Variants in POU2F1 observed in about 807,000 individuals in gnomAD.
POU2F1 encodes the protein POU class 2 homeobox 1.
Under a neutral mutation model 84.9 loss-of-function variants are expected in POU2F1, and 16 were observed. The observed-to-expected ratio is 0.19, with a 90% CI of 0.13 to 0.29. The LOEUF (loss-of-function observed/expected upper bound fraction) is 0.29. Ranked by LOEUF, POU2F1 falls within the 10% of genes least tolerant of loss-of-function variation. The probability of loss-of-function intolerance (pLI) is 1.00; values close to 1 mark genes in which losing one functional copy is unlikely to be tolerated. For synonymous variants in POU2F1, 368 were observed against 368.3 expected, an observed-to-expected ratio of 1.00 and a Z score of 0.01; for missense variants, 738 against 942.6, an observed-to-expected ratio of 0.78 and a Z score of 2.84.
At chr1:167,221,592 C>T (rs1320343856) in intron 1 of POU2F1, among the ~76,000 whole-genome samples, 2 of 150,282 alleles carry the variant, frequency 1.3e-5, no homozygotes, top group Non-Finnish European at 3.0e-5. Context: ...GGGCGGCCCT[C>T]AGGGCAACCG....
intron 1 of POU2F1, among the ~76,000 whole-genome samples, chr1:167,237,136 A>G (rs1480235416): frequency 6.6e-6 from 1 of 152,208 alleles, no homozygotes; most frequent in African/African-American, 2.4e-5. Context: ...TGGTGATGAT[A>G]CTTGTGAACT....
At chr1:167,246,130 A>G (rs1047810754) in intron 1 of POU2F1, among the ~76,000 whole-genome samples, 3 of 152,226 alleles carry the variant, frequency 2.0e-5, no homozygotes, top group African/African-American at 7.2e-5. Context: ...TTAAACAACA[A>G]ATGAGCCCTT....
chr1:167,389,463 C>T lies in POU2F1; in HGVS notation c.814-125C>T, dbSNP rs368358563. The T allele has an allele frequency of 4.3e-5, 40 of 932,530 alleles. No individual in the cohort carries two copies. The African/African-American group carries it at 5.8e-4, about 13-fold the overall frequency. 57.8% of individuals were successfully genotyped at this position (932,530 alleles called of 1,614,324 possible). On this transcript the variant is annotated intron_variant, in intron 8 of 15. Transcript: ENST00000367866. ...CTCACTGAACATTATGTTGTACATTCTGTAGTGTTACATGGTCTTCATCGT... is the reference window on the plus strand; with the variant it reads ...CTCACTGAACATTATGTTGTACATTTTGTAGTGTTACATGGTCTTCATCGT...
At chr1:167,382,858 T>G (rs1647666280) in intron 7 of POU2F1, among the ~76,000 whole-genome samples, 1 of 152,192 alleles carries the variant, frequency 6.6e-6, no homozygotes, top group Non-Finnish European at 1.5e-5. Flanking sequence ...AGCTTAAATT[T>G]AGGCAGTGCT....
intron 1 of POU2F1, chr1:167,329,152 C>G (rs918903824): frequency 1.4e-6 from 2 of 1,410,096 alleles, no homozygotes; most frequent in Admixed American, 2.6e-5. Flanking sequence ...CTACGCAACC[C>G]CCCTCTTTTC....
At chr1:167,312,243 T>C (rs928324245) in intron 1 of POU2F1, among the ~76,000 whole-genome samples, 15 of 150,926 alleles carry the variant, frequency 9.9e-5, no homozygotes, top group African/African-American at 3.4e-4. Flanking sequence ...GCCAATTTTT[T>C]TTTTTTTGTG....
rs185149812 is a variant in POU2F1 at position 167,408,238 on chromosome 1, G to A, written c.1556-3721G>A. 1.4e-3 allele frequency among the ~76,000 whole-genome samples: 214 copies of A among 152,320 alleles called. 1 individual carries two copies. Among genetic ancestry groups the A allele is most frequent in the Non-Finnish European group, 2.0e-3 (135 of 68,020 alleles). On this transcript the variant is annotated intron_variant, in intron 13 of 15. Coordinates refer to ENST00000367866, the MANE Select transcript of POU2F1 (RefSeq NM_002697.4). ...ATCAAAAAGACCCAAGATGATAAATGTTGGGAAGGATGTGGAGAAACTGGA... is the reference window on the plus strand; with the variant it reads ...ATCAAAAAGACCCAAGATGATAAATATTGGGAAGGATGTGGAGAAACTGGA...
intron 1 of POU2F1, among the ~76,000 whole-genome samples, chr1:167,322,542 G>A (rs1029193468): frequency 3.9e-5 from 6 of 152,334 alleles, no homozygotes; most frequent in South Asian, 4.1e-4. Flanking sequence ...CGGCTGTGGC[G>A]GGGGACAGGC....
Position 167,417,373 on chromosome 1 carries a change from G to T in POU2F1, c.*1563G>T, listed in dbSNP as rs1378640721. The T allele has an allele frequency of 6.6e-6, 1 of 152,182 alleles. No homozygotes were observed. The highest frequency in any genetic ancestry group is 1.5e-5 in the Non-Finnish European group (1 of 68,042). The allele number at this position is 152,182 out of a possible 1,614,324, so 9.4% of individuals were successfully genotyped here. ...GGCAATACACATCTCTTTATTCAAT[G>T]TAGAAAGTAATTAGCTCTGTAATTA... On this transcript the variant is annotated 3_prime_UTR_variant, in exon 16 of 16. Transcript: ENST00000367866.
At chr1:167,281,043 A>G (rs557516862) in intron 1 of POU2F1, among the ~76,000 whole-genome samples, 1 of 152,192 alleles carries the variant, frequency 6.6e-6, no homozygotes, top group Non-Finnish European at 1.5e-5. Flanking sequence ...AATGCTAAGT[A>G]TCTTACAAGA....
chr1:167,269,480 C>T (rs1322608578), intron 1 of POU2F1, among the ~76,000 whole-genome samples: 1 of 152,040 alleles, frequency 6.6e-6, no homozygotes, highest in African/African-American at 2.4e-5. Flanking sequence ...TGAAAGAAAT[C>T]GGACAGTTAA....
chr1:167,317,809 C>G (rs960956761), intron 1 of POU2F1, among the ~76,000 whole-genome samples: 9 of 152,156 alleles, frequency 5.9e-5, no homozygotes, highest in Non-Finnish European at 1.2e-4. Context: ...ATTTTGGGAG[C>G]CTGTCTATGG....
chr1:167,396,463 T>C lies in POU2F1; in HGVS notation c.1129+36T>C, dbSNP rs536668003. 1.0e-5 allele frequency: 16 copies of C among 1,590,928 alleles called. No individual in the cohort carries two copies. In the African/African-American group the frequency reaches 1.7e-4, roughly 17 times the overall value. On this transcript the variant is annotated intron_variant, in intron 10 of 15. Transcript: ENST00000367866. ...GTATAAGACATTTCTTTGTCATTCA[T>C]TGGAATTTTACATGGGGATTGTTAT...
intron 2 of POU2F1, among the ~76,000 whole-genome samples, chr1:167,347,311 A>G (rs1658267225): frequency 6.6e-6 from 1 of 152,194 alleles, no homozygotes; most frequent in Non-Finnish European, 1.5e-5. Flanking sequence ...GGTGATGAAA[A>G]ATAGCCTTCA....
chr1:167,377,465 T>C (rs1019819547), intron 7 of POU2F1, among the ~76,000 whole-genome samples: 1 of 152,020 alleles, frequency 6.6e-6, no homozygotes, highest in African/African-American at 2.4e-5. Context: ...CAGGCGCCTG[T>C]AGTCCCAGCT....
chr1:167,413,401 C>G (rs1311469305), intron 15 of POU2F1, among the ~76,000 whole-genome samples: 1 of 152,102 alleles, frequency 6.6e-6, no homozygotes, highest in Non-Finnish European at 1.5e-5. Flanking sequence ...TAATATTGAT[C>G]TTATGTGAGT....
chr1:167,335,897 T>C (rs1288278525), intron 2 of POU2F1, among the ~76,000 whole-genome samples: 4 of 152,230 alleles, frequency 2.6e-5, no homozygotes, highest in Admixed American at 6.5e-5. Context: ...TTGAATAACA[T>C]GGATTTGAGC....
intron 6 of POU2F1, among the ~76,000 whole-genome samples, chr1:167,374,633 T>C (rs561638642): frequency 3.9e-4 from 59 of 152,356 alleles, no homozygotes; most frequent in African/African-American, 1.3e-3. Context: ...TTTTTTTTCA[T>C]GTGCTCTGCG....
intron 1 of POU2F1, among the ~76,000 whole-genome samples, chr1:167,255,190 A>G (rs1651040031): frequency 6.6e-6 from 1 of 152,236 alleles, no homozygotes; most frequent in Non-Finnish European, 1.5e-5. Flanking sequence ...AGGTAAATGC[A>G]GTAAAGTTTC....
Sources: allele counts gnomAD v4.1 joint callset (sites outside exome capture counted in the v4.1 genomes callset), GRCh38; gene constraint gnomAD v4.1.1; transcripts MANE v1.5; gene names NCBI Gene and HGNC (gene_info 2026-07-23, HGNC 2026-07-21).